The following SLC2A14 variants were observed in gnomAD, a reference collection of about 807,000 sequenced individuals.
The protein encoded by SLC2A14 is solute carrier family 2, facilitated glucose transporter member 14.
In SLC2A14, 13 loss-of-function variants were observed where a neutral mutation model predicts 43.0. The ratio of observed to expected loss-of-function variants is 0.30; its 90% CI spans 0.20 to 0.48. SLC2A14 has a LOEUF of 0.48. SLC2A14 is among the 20% of genes least tolerant of loss of function. The probability of loss-of-function intolerance (pLI) is 0.99; values close to 1 mark genes in which losing one functional copy is unlikely to be tolerated. For synonymous variants in SLC2A14, 190 were observed against 233.8 expected (o/e 0.81, Z 1.71); for missense variants, 428 against 620.4 (o/e 0.69, Z 3.29).
In SLC2A14 at chr12:7,818,000, C is replaced by T; in HGVS notation, c.1106G>A (p.Gly369Glu). 6.2e-7 allele frequency: 1 copy of T among 1,613,970 alleles called. No individual in the cohort carries two copies. The highest frequency in any genetic ancestry group is 1.1e-5 in the South Asian group (1 of 91,074). ...HYNGMSFVCI[G>E]AILVFVACFE... ...ACAGGCCACAAAGACCAAGATAGCC[C>T]CAATACAGACAAAGCTCATCCCATT... The change falls in exon 10 of 11, where the codon GGG becomes GAG. Residue 369 changes from glycine to glutamate, a missense_variant. By Grantham distance (98) the Gly-to-Glu change is moderately conservative. This residue lies in a region of SLC2A14 where 119 missense variants were observed against 188.7 expected (regional missense o/e 0.63). Coordinates refer to ENST00000431042, the MANE Select transcript of SLC2A14 (RefSeq NM_001286234.2).
intron 2 of SLC2A14, among the ~76,000 whole-genome samples, chr12:7,844,947 G>A (rs1411759621): frequency 2.0e-5 from 3 of 152,048 alleles, no homozygotes; most frequent in Non-Finnish European, 4.4e-5. Flanking sequence ...CAAAACTTTT[G>A]TGGTAAGTAA....
At chr12:7,864,654 G>C (rs1944811077) in intron 2 of SLC2A14, among the ~76,000 whole-genome samples, 1 of 152,110 alleles carries the variant, frequency 6.6e-6, no homozygotes, top group Admixed American at 6.5e-5. Flanking sequence ...TTACTGTTAA[G>C]TCTCTTTTAC....
intron 2 of SLC2A14, among the ~76,000 whole-genome samples, chr12:7,836,948 C>G (rs1350840504): frequency 6.6e-6 from 1 of 151,990 alleles, no homozygotes; most frequent in African/African-American, 2.4e-5. Context: ...GCAGGTGGAT[C>G]ACAAGATCAG....
At chr12:7,860,036 G>A (rs1944459980) in intron 2 of SLC2A14, among the ~76,000 whole-genome samples, 2 of 152,248 alleles carry the variant, frequency 1.3e-5, no homozygotes, top group African/African-American at 2.4e-5. Context: ...TTGCAAATCC[G>A]CCTCCAGAGC....
At chr12:7,815,100 G>A (rs187464769) in intron 10 of SLC2A14, among the ~76,000 whole-genome samples, 98 of 151,262 alleles carry the variant, frequency 6.5e-4, no homozygotes, top group African/African-American at 2.3e-3. Flanking sequence ...ACCTGGCCTT[G>A]AGTATTATTT....
Position 7,816,357 on chromosome 12 carries a change from G to A in SLC2A14, c.1275+1474C>T, listed in dbSNP as rs1448338121. Among the ~76,000 whole-genome samples, 5 of 48,324 alleles carry A rather than the reference G, an allele frequency of 1.0e-4. 1 individual carries two copies. Among genetic ancestry groups the A allele is most frequent in the African/African-American group, 4.5e-4 (5 of 11,038 alleles). 31.7% of individuals were successfully genotyped at this position (48,324 alleles called of 152,430 possible). On this transcript the variant is annotated intron_variant, in intron 10 of 10. Transcript: ENST00000431042. Reference sequence around the variant, plus strand: ...CTGACCTCATGATCCACCCGCCTCGGCCTCCCAAAGTGCTGGGATTACAGG... The same window carrying A: ...CTGACCTCATGATCCACCCGCCTCGACCTCCCAAAGTGCTGGGATTACAGG...
chr12:7,821,988 C>T (rs1863955516), intron 7 of SLC2A14, among the ~76,000 whole-genome samples: 2 of 151,924 alleles, frequency 1.3e-5, no homozygotes, highest in Admixed American at 1.3e-4. Context: ...CCAGGCCTGG[C>T]TAATTTTTTG....
chr12:7,842,778 G>C (rs1459643442), intron 2 of SLC2A14, among the ~76,000 whole-genome samples: 1 of 151,254 alleles, frequency 6.6e-6, no homozygotes, highest in African/African-American at 2.4e-5. Context: ...GCCCAGGCTG[G>C]GGTGCAATGG....
intron 2 of SLC2A14, among the ~76,000 whole-genome samples, chr12:7,868,066 G>A (rs1398876857): frequency 1.3e-5 from 2 of 152,088 alleles, no homozygotes; most frequent in African/African-American, 4.8e-5. Context: ...ACTCCTTCGT[G>A]AAAATAAGAG....
chr12:7,848,712 T>C lies in SLC2A14; in HGVS notation c.19-15898A>G, dbSNP rs371384466. 2.8e-3 allele frequency among the ~76,000 whole-genome samples: 423 copies of C among 151,624 alleles called. 5 individuals carry two copies. Among genetic ancestry groups the C allele is most frequent in the African/African-American group, 9.7e-3 (401 of 41,354 alleles). On this transcript the variant is annotated intron_variant, in intron 2 of 10. Transcript: ENST00000431042. ...CTGGGATTACAGGTGCCCGCCACCA[T>C]GCCCGGCTAATTTTTGTATTTTTAG...
At chr12:7,836,441 C>T (rs1306974180) in intron 2 of SLC2A14, among the ~76,000 whole-genome samples, 7 of 152,018 alleles carry the variant, frequency 4.6e-5, no homozygotes, top group South Asian at 2.1e-4. Flanking sequence ...AGGCTGGTCT[C>T]GAACTCCTGA....
intron 1 of SLC2A14, among the ~76,000 whole-genome samples, chr12:7,885,135 G>A (rs1367472828): frequency 1.3e-5 from 2 of 152,118 alleles, no homozygotes; most frequent in Admixed American, 6.6e-5. Flanking sequence ...TGAACCATGA[G>A]TCAGAAATTT....
chr12:7,872,385 A>G (rs1945281826), intron 1 of SLC2A14: 1 of 152,090 alleles, frequency 6.6e-6, no homozygotes, highest in Admixed American at 6.6e-5. Flanking sequence ...GCCAAAAGAC[A>G]CTTCCTCACA....
chr12:7,864,145 T>C (rs1221404201), intron 2 of SLC2A14, among the ~76,000 whole-genome samples: 2 of 152,014 alleles, frequency 1.3e-5, no homozygotes, highest in Non-Finnish European at 2.9e-5. Flanking sequence ...AGCTTACTGC[T>C]GAATTTTGAG....
rs1193226420 is a variant in SLC2A14, at chr12:7,814,417, C to T, written c.1393G>A (p.Ala465Thr). ...GCACCGTGTGCCTGCCCTTCAAAGG[C>T]CCGTGTGATATCCTCAAAAGTCCTG... ...RGRTFEDITR[A>T]FEGQAHGADR... Residue 465 changes from alanine (A) to threonine (T), a missense_variant, in exon 11 of 11, where the codon GCC becomes ACC. Ala to Thr is a moderately conservative substitution (Grantham distance 58, BLOSUM62 0). This residue lies in a region of SLC2A14 where 119 missense variants were observed against 188.7 expected (regional missense o/e 0.63). Coordinates refer to ENST00000431042, the MANE Select transcript of SLC2A14 (RefSeq NM_001286234.2). 2 of 1,613,208 alleles carry T rather than the reference C, an allele frequency of 1.2e-6. No homozygotes were observed. The highest frequency in any genetic ancestry group is 1.7e-6 in the Non-Finnish European group (2 of 1,179,760).
chr12:7,882,634 A>G (rs1945606605), intron 1 of SLC2A14, among the ~76,000 whole-genome samples: 3 of 152,100 alleles, frequency 2.0e-5, no homozygotes, highest in Admixed American at 2.0e-4. Context: ...CTCAGGGGTT[A>G]AAGACCAGCC....
intron 1 of SLC2A14, among the ~76,000 whole-genome samples, chr12:7,883,329 G>A (rs1354663426): frequency 1.1e-4 from 16 of 144,016 alleles, no homozygotes; most frequent in South Asian, 2.3e-4. Flanking sequence ...GTGCAGGGGC[G>A]TGATCTTGGC....
chr12:7,831,550 T>A, intron 4 of SLC2A14, 54 bp downstream of exon 4: 1 of 1,607,240 alleles, frequency 6.2e-7, no homozygotes, highest in South Asian at 1.1e-5. Context: ...TCTCCACACT[T>A]GTCCCCAATG....
chr12:7,876,100 G>GA (rs1244975150), upstream of SLC2A14, among the ~76,000 whole-genome samples: 2 of 151,740 alleles, frequency 1.3e-5, no homozygotes, highest in African/African-American at 2.4e-5. Flanking sequence ...CCAGCATTGT[G>GA]AAACCCATCT....
Sources: gnomAD v4.1 joint callset for allele counts (sites outside exome capture counted in the v4.1 genomes callset) on GRCh38, gnomAD v4.1.1 for gene constraint, gnomAD v4.1.1 regional missense constraint, MANE v1.5 for transcripts, NCBI Gene and HGNC (gene_info 2026-07-23, HGNC 2026-07-21) for gene names.